Variants in DACH2 observed in about 807,000 individuals in gnomAD.
The protein encoded by DACH2 is dachshund family transcription factor 2.
A neutral mutation model predicts 35.8 loss-of-function variants in DACH2; 17 were observed. That is an observed-to-expected ratio of 0.48 (90% CI 0.33 to 0.71). DACH2 has a LOEUF of 0.71. Among genes scored for constraint, DACH2 ranks in the 30% least tolerant of loss-of-function variants. DACH2 has a pLI of 0.02. For missense variants in DACH2, 469 were observed against 472.7 expected, an observed-to-expected ratio of 0.99 and a Z score of 0.07; for synonymous variants, 195 against 177.3, an observed-to-expected ratio of 1.10 and a Z score of -0.79.
chrX:86,341,420 G>A (rs954052307), intron 1 of DACH2, among the ~76,000 whole-genome samples: 11 of 111,574 alleles, frequency 9.9e-5, no homozygotes, highest in African/African-American at 3.3e-4. Context: ...AATATTTTAA[G>A]CCCACTATTG....
At chrX:86,439,658 T>C (rs2037127703) in intron 2 of DACH2, among the ~76,000 whole-genome samples, 1 of 111,485 alleles carries the variant, frequency 9.0e-6, no homozygotes, top group Non-Finnish European at 1.9e-5. Flanking sequence ...TTTCTTCTGC[T>C]CAGTTTGGAT....
intron 2 of DACH2, among the ~76,000 whole-genome samples, chrX:86,510,240 A>G (rs776357713): frequency 8.9e-6 from 1 of 112,399 alleles, no homozygotes; most frequent in South Asian, 3.7e-4. Context: ...ACATGAAACA[A>G]AAATAAATTC....
At chrX:86,163,972 T>C (rs753292649) in intron 1 of DACH2, among the ~76,000 whole-genome samples, 1 of 112,093 alleles carries the variant, frequency 8.9e-6, no homozygotes, top group Admixed American at 9.5e-5. Context: ...CAAATGGTAG[T>C]TCTGCTTTTC....
chrX:86,805,799 A>G (rs2042338896), intron 7 of DACH2, among the ~76,000 whole-genome samples: 2 of 112,042 alleles, frequency 1.8e-5, no homozygotes, highest in Non-Finnish European at 3.8e-5. Flanking sequence ...CAGGCACACA[A>G]TGCAGCAAGG....
intron 4 of DACH2, among the ~76,000 whole-genome samples, chrX:86,688,040 A>AT (rs1451182357): frequency 7.3e-5 from 8 of 109,438 alleles, no homozygotes; most frequent in Non-Finnish European, 1.1e-4. Context: ...TTAAAGTATA[A>AT]TAAAAAAAAA....
intron 5 of DACH2, among the ~76,000 whole-genome samples, chrX:86,710,147 C>G (rs1031280944): frequency 8.9e-6 from 1 of 112,156 alleles, no homozygotes; most frequent in African/African-American, 3.2e-5. Context: ...CATAAAACAA[C>G]TGTGGTATAT....
At chrX:86,249,807 CCCA>C (rs769279454) in intron 1 of DACH2, among the ~76,000 whole-genome samples, 2 of 111,589 alleles carry the variant, frequency 1.8e-5, no homozygotes, top group East Asian at 5.6e-4. Flanking sequence ...AATCTATATG[CCCA>C]CCAATAGTGG....
chrX:86,499,494 A>G (rs750969130), intron 2 of DACH2, among the ~76,000 whole-genome samples: 10 of 111,747 alleles, frequency 8.9e-5, no homozygotes, highest in Non-Finnish European at 1.7e-4. Flanking sequence ...TCTTCAGCTT[A>G]TAATTATAGA....
At chrX:86,208,622 T>C (rs1028110068) in intron 1 of DACH2, among the ~76,000 whole-genome samples, 4 of 111,793 alleles carry the variant, frequency 3.6e-5, no homozygotes, top group African/African-American at 1.3e-4. Flanking sequence ...AGTTATAGTG[T>C]CCTTTTTTCT....
rs187641464 is a variant in DACH2, at chrX:86,252,015, T to C, written c.488+102907T>C. 3.2e-4 allele frequency among the ~76,000 whole-genome samples: 36 copies of C among 111,336 alleles called. No homozygotes were observed. In the East Asian group the frequency reaches 9.6e-3, roughly 30 times the overall value. On this transcript the variant is annotated intron_variant, in intron 1 of 11. Transcript: ENST00000373125. ...CATGCCAATATCTATTTATTATTTA[T>C]TTTTTTATTGTGGCCACTCTTGCAG...
chrX:86,220,979 C>A (rs1383379446), intron 1 of DACH2, among the ~76,000 whole-genome samples: 1 of 111,347 alleles, frequency 9.0e-6, no homozygotes, highest in Non-Finnish European at 1.9e-5. Context: ...ATGTTGAACA[C>A]CTTTTTATAT....
intron 1 of DACH2, among the ~76,000 whole-genome samples, chrX:86,155,608 A>T (rs2030518160): frequency 9.0e-6 from 1 of 111,193 alleles, no homozygotes; most frequent in Non-Finnish European, 1.9e-5. Flanking sequence ...AAATATTTTG[A>T]ATTTAATATT....
At chrX:86,733,686 A>C in intron 6 of DACH2, among the ~76,000 whole-genome samples, 1 of 111,420 alleles carries the variant, frequency 9.0e-6, no homozygotes, top group Non-Finnish European at 1.9e-5. Flanking sequence ...CTGATAACAC[A>C]TTTAAGAAAT....
At chrX:86,780,930 G>A in intron 7 of DACH2, among the ~76,000 whole-genome samples, 1 of 111,556 alleles carries the variant, frequency 9.0e-6, no homozygotes, top group South Asian at 3.8e-4. Flanking sequence ...AGGTGGAAAG[G>A]CTGATGGCAG....
At chrX:86,505,287 A>C (rs1052940838) in intron 2 of DACH2, among the ~76,000 whole-genome samples, 1 of 112,082 alleles carries the variant, frequency 8.9e-6, no homozygotes, top group Non-Finnish European at 1.9e-5. Flanking sequence ...TCTGTGGTAA[A>C]ATACACATAA....
At chrX:86,333,945 C>T (rs1294833319) in intron 1 of DACH2, among the ~76,000 whole-genome samples, 5 of 110,739 alleles carry the variant, frequency 4.5e-5, no homozygotes, top group African/African-American at 1.6e-4. Flanking sequence ...TGTGAGGTTC[C>T]CCTCCCTGTG....
chrX:86,394,769 T>C (rs1256573998), intron 2 of DACH2, among the ~76,000 whole-genome samples: 1 of 111,591 alleles, frequency 9.0e-6, no homozygotes, highest in East Asian at 2.8e-4. Context: ...ATATAAAACA[T>C]CATGTCGGTA....
chrX:86,161,019 T>A, intron 1 of DACH2: 1 of 975,665 alleles, frequency 1.0e-6, no homozygotes, highest in Admixed American at 2.2e-5. Context: ...TTTCCATCCC[T>A]TGAACGAAGG....
chrX:86,773,207 G>T (rs185123804), intron 7 of DACH2, among the ~76,000 whole-genome samples: 5 of 111,879 alleles, frequency 4.5e-5, no homozygotes, highest in Non-Finnish European at 9.4e-5. Context: ...TACTGGCAAC[G>T]TAGTAGAATC....
Sources: gnomAD v4.1 joint callset for allele counts (sites outside exome capture counted in the v4.1 genomes callset) on GRCh38, gnomAD v4.1.1 for gene constraint, MANE v1.5 for transcripts, NCBI Gene and HGNC (gene_info 2026-07-23, HGNC 2026-07-21) for gene names.